The following ZNF385D variants were observed in gnomAD, a reference collection of about 807,000 sequenced individuals.
The protein encoded by ZNF385D is zinc finger protein 659.
Under a neutral mutation model 35.8 loss-of-function variants are expected in ZNF385D, and 15 were observed. The observed-to-expected ratio is 0.42, with a 90% CI of 0.28 to 0.64. The LOEUF (loss-of-function observed/expected upper bound fraction) is 0.64, where lower values mean the gene tolerates loss of function less well. Among genes scored for constraint, ZNF385D ranks in the 30% least tolerant of loss-of-function variants. ZNF385D has a pLI of 0.23. For missense variants in ZNF385D, 474 were observed against 494.6 expected (o/e 0.96, Z 0.39); for synonymous variants, 212 against 186.8 (o/e 1.13, Z -1.10).
intron 4 of ZNF385D, among the ~76,000 whole-genome samples, chr3:21,503,536 C>G (rs1015641501): frequency 1.3e-5 from 2 of 152,126 alleles, no homozygotes; most frequent in Admixed American, 6.6e-5. Flanking sequence ...CATTTGTTCA[C>G]TATTGTCATA....
At chr3:21,455,287 A>G (rs187710598) in intron 4 of ZNF385D, among the ~76,000 whole-genome samples, 1 of 152,200 alleles carries the variant, frequency 6.6e-6, no homozygotes. Context: ...AGTCAATCCT[A>G]AGCCAAAAGA....
intron 3 of ZNF385D, among the ~76,000 whole-genome samples, chr3:21,988,213 G>C (rs1183252390): frequency 7.8e-6 from 1 of 128,300 alleles, no homozygotes; most frequent in African/African-American, 2.8e-5. Flanking sequence ...TGCTGGTGAG[G>C]AACTGCGTTC....
At chr3:21,969,453 TTG>T (rs1156399171) in intron 3 of ZNF385D, among the ~76,000 whole-genome samples, 5 of 152,146 alleles carry the variant, frequency 3.3e-5, no homozygotes, top group Non-Finnish European at 7.4e-5. Flanking sequence ...AGCTTTCTCT[TTG>T]TCTTCAGCCA....
At chr3:21,803,754 G>C (rs1426000420) in intron 3 of ZNF385D, among the ~76,000 whole-genome samples, 1 of 152,068 alleles carries the variant, frequency 6.6e-6, no homozygotes, top group African/African-American at 2.4e-5. Context: ...GCAAATCTAA[G>C]TACTTACTGA....
At chr3:22,331,704 C>A (rs1261288588) in intron 2 of ZNF385D, among the ~76,000 whole-genome samples, 1 of 152,060 alleles carries the variant, frequency 6.6e-6, no homozygotes, top group Non-Finnish European at 1.5e-5. Flanking sequence ...TATAGACTAC[C>A]AAAATATATT....
At chr3:21,577,388 TTTTC>T (rs1342014741) in intron 2 of ZNF385D, among the ~76,000 whole-genome samples, 3 of 152,208 alleles carry the variant, frequency 2.0e-5, no homozygotes, top group African/African-American at 4.8e-5. Context: ...ATATACCACA[TTTTC>T]TTTATCCATT....
intron 1 of ZNF385D, among the ~76,000 whole-genome samples, chr3:21,669,569 A>G: frequency 6.6e-6 from 1 of 152,232 alleles, no homozygotes; most frequent in East Asian, 1.9e-4. Context: ...AAAGCAAATT[A>G]ATATGTAAAT....
chr3:21,639,361 T>C (rs1363815803), intron 2 of ZNF385D, among the ~76,000 whole-genome samples: 1 of 152,086 alleles, frequency 6.6e-6, no homozygotes, highest in Non-Finnish European at 1.5e-5. Context: ...ATATGATACA[T>C]AGTAAGTATC....
intron 3 of ZNF385D, among the ~76,000 whole-genome samples, chr3:21,959,951 C>T (rs1280919659): frequency 1.4e-5 from 2 of 144,740 alleles, no homozygotes; most frequent in African/African-American, 5.1e-5. Context: ...TAAAAGAAAA[C>T]ATAGGGGAAA....
chr3:22,323,010 C>T (rs796460268), intron 2 of ZNF385D, among the ~76,000 whole-genome samples: 15 of 152,176 alleles, frequency 9.9e-5, no homozygotes, highest in African/African-American at 2.9e-4. Context: ...TGTAGGTAAC[C>T]GTACTCCTGA....
chr3:22,126,459 G>A (rs1299571099), intron 3 of ZNF385D, among the ~76,000 whole-genome samples: 1 of 151,736 alleles, frequency 6.6e-6, no homozygotes, highest in African/African-American at 2.4e-5. Flanking sequence ...TCATTCAGGA[G>A]CATATTGTTT....
chr3:21,788,236 C>T (rs1298349748), intron 3 of ZNF385D, among the ~76,000 whole-genome samples: 2 of 152,150 alleles, frequency 1.3e-5, no homozygotes. Flanking sequence ...CTCAGCACTT[C>T]GGGAGGCCGA....
At chr3:21,983,614 G>T (rs1179370507) in intron 3 of ZNF385D, among the ~76,000 whole-genome samples, 18 of 137,618 alleles carry the variant, frequency 1.3e-4, no homozygotes, top group African/African-American at 4.1e-4. Flanking sequence ...GAATAATGCC[G>T]CAATAAACAT....
chr3:22,370,958 C>A (rs1696875042), intron 2 of ZNF385D, among the ~76,000 whole-genome samples: 1 of 152,166 alleles, frequency 6.6e-6, no homozygotes, highest in South Asian at 2.1e-4. Context: ...TTCCTTAAAT[C>A]TGAGATAATA....
intron 2 of ZNF385D, among the ~76,000 whole-genome samples, chr3:22,253,464 G>T (rs184128318): frequency 9.3e-4 from 142 of 152,052 alleles, no homozygotes; most frequent in Non-Finnish European, 1.5e-3. Flanking sequence ...CATCTATTCA[G>T]TTATGAAGAT....
At chr3:22,089,081 G>C (rs1438185194) in intron 3 of ZNF385D, among the ~76,000 whole-genome samples, 2 of 152,214 alleles carry the variant, frequency 1.3e-5, no homozygotes, top group South Asian at 4.2e-4. Context: ...CCAAGAAAAA[G>C]ATACATTTTC....
At chr3:21,967,033 T>C (rs996491230) in intron 3 of ZNF385D, among the ~76,000 whole-genome samples, 3 of 152,232 alleles carry the variant, frequency 2.0e-5, no homozygotes, top group African/African-American at 7.2e-5. Context: ...TTAAAATCTG[T>C]ATAGTAAAAA....
intron 3 of ZNF385D, among the ~76,000 whole-genome samples, chr3:21,763,331 A>G (rs1157821122): frequency 6.6e-6 from 1 of 152,188 alleles, no homozygotes; most frequent in Non-Finnish European, 1.5e-5. Context: ...AACAAAGGTA[A>G]TAACTCAGCA....
intron 4 of ZNF385D, among the ~76,000 whole-genome samples, chr3:21,445,970 G>T (rs1335843057): frequency 6.6e-6 from 1 of 152,066 alleles, no homozygotes. Context: ...AAGATGTTGG[G>T]GAAATTTCAC....
Sources: allele counts gnomAD v4.1 joint callset (sites outside exome capture counted in the v4.1 genomes callset), GRCh38; gene constraint gnomAD v4.1.1; transcripts MANE v1.5; gene names NCBI Gene and HGNC (gene_info 2026-07-23, HGNC 2026-07-21).